The following SORCS2 variants were observed in gnomAD, a reference collection of about 807,000 sequenced individuals.
The protein encoded by SORCS2 is VPS10 domain-containing receptor SorCS2.
SORCS2 carries 100 observed loss-of-function variants against 141.6 expected under a neutral mutation model. The ratio of observed to expected loss-of-function variants is 0.71; its 90% confidence interval spans 0.60 to 0.83. SORCS2 has a LOEUF of 0.83. SORCS2 is among the 40% of genes least tolerant of loss of function. SORCS2 has a pLI of 0.00. For synonymous variants in SORCS2, 789 were observed against 676.9 expected, an observed-to-expected ratio of 1.17 and a Z score of -2.57; for missense variants, 1,646 against 1,560.2, an observed-to-expected ratio of 1.05 and a Z score of -0.93.
chr4:7,739,675 C>A (rs1215100998), intron 26 of SORCS2, among the ~76,000 whole-genome samples: 1 of 152,180 alleles, frequency 6.6e-6, no homozygotes, highest in Non-Finnish European at 1.5e-5. Context: ...CCAGCCGTGT[C>A]TCCCGGTGCC....
chr4:7,302,819 G>A (rs2108902669), intron 1 of SORCS2, among the ~76,000 whole-genome samples: 1 of 150,642 alleles, frequency 6.6e-6, no homozygotes, highest in Admixed American at 6.6e-5. Context: ...TTGTAGGAGT[G>A]TTCTCCTATA....
intron 16 of SORCS2, among the ~76,000 whole-genome samples, chr4:7,714,814 CT>C (rs1726081898): frequency 6.6e-6 from 1 of 152,196 alleles, no homozygotes; most frequent in East Asian, 1.9e-4. Flanking sequence ...CACCTCACCC[CT>C]CCTCATCATG....
At chr4:7,315,053 G>A (rs1173480693) in intron 1 of SORCS2, among the ~76,000 whole-genome samples, 2 of 151,786 alleles carry the variant, frequency 1.3e-5, no homozygotes, top group African/African-American at 4.8e-5. Flanking sequence ...GGCTGGTCTC[G>A]AACTCCTGAC....
intron 2 of SORCS2, among the ~76,000 whole-genome samples, chr4:7,442,642 C>T (rs1264854329): frequency 7.3e-6 from 1 of 137,892 alleles, no homozygotes; most frequent in Non-Finnish European, 1.6e-5. Flanking sequence ...ACCCCCTCCC[C>T]CAGCTCTGCC....
intron 2 of SORCS2, among the ~76,000 whole-genome samples, chr4:7,518,830 C>T (rs939952894): frequency 2.6e-5 from 4 of 152,130 alleles, no homozygotes; most frequent in African/African-American, 7.2e-5. Flanking sequence ...CCATCAAACG[C>T]AGCTTCCCCC....
intron 2 of SORCS2, among the ~76,000 whole-genome samples, chr4:7,443,427 G>A (rs763220319): frequency 3.9e-5 from 6 of 152,150 alleles, no homozygotes; most frequent in Non-Finnish European, 5.9e-5. Context: ...GCGCACAGCC[G>A]CGAATGGAGC....
At chr4:7,722,906 G>A in intron 18 of SORCS2, among the ~76,000 whole-genome samples, 1 of 152,152 alleles carries the variant, frequency 6.6e-6, no homozygotes, top group African/African-American at 2.4e-5. Context: ...TCATCACTAG[G>A]AAACGGTTTC....
At chr4:7,416,794 A>ACG (rs1053630990) in intron 2 of SORCS2, among the ~76,000 whole-genome samples, 1 of 151,502 alleles carries the variant, frequency 6.6e-6, no homozygotes, top group Non-Finnish European at 1.5e-5. Context: ...ACGCTTGTGC[A>ACG]CACACAAACA....
At chr4:7,507,822 G>A (rs553599260) in intron 2 of SORCS2, among the ~76,000 whole-genome samples, 123 of 152,218 alleles carry the variant, frequency 8.1e-4, no homozygotes, top group African/African-American at 2.7e-3. Flanking sequence ...CTCTGTGTTC[G>A]AGCCATGCGC....
At chr4:7,310,670 C>T (rs534125314) in intron 1 of SORCS2, 1 of 153,582 alleles carries the variant, frequency 6.5e-6, no homozygotes, top group South Asian at 2.1e-4. Flanking sequence ...GGCGGGGGCA[C>T]AAGGCAGACG....
intron 2 of SORCS2, among the ~76,000 whole-genome samples, chr4:7,406,589 T>G (rs1402028398): frequency 6.6e-6 from 1 of 151,942 alleles, no homozygotes; most frequent in Non-Finnish European, 1.5e-5. Flanking sequence ...ATGTCTCTTT[T>G]TCATTTCTGA....
intron 1 of SORCS2, among the ~76,000 whole-genome samples, chr4:7,208,724 G>A (rs2108878264): frequency 6.6e-6 from 1 of 152,318 alleles, no homozygotes; most frequent in Non-Finnish European, 1.5e-5. Flanking sequence ...GGGATGCACT[G>A]CCTTGTCTCC....
chr4:7,693,525 C>T (rs1000665029), intron 11 of SORCS2, among the ~76,000 whole-genome samples: 1 of 152,222 alleles, frequency 6.6e-6, no homozygotes, highest in Non-Finnish European at 1.5e-5. Context: ...GGAGCCTGCT[C>T]CCTGCACTGT....
At chr4:7,691,319 C>CA (rs779528284) in intron 11 of SORCS2, among the ~76,000 whole-genome samples, 2 of 152,180 alleles carry the variant, frequency 1.3e-5, no homozygotes, top group Non-Finnish European at 2.9e-5. Context: ...AGTGAAGGGA[C>CA]AAGTGAAAGA....
intron 11 of SORCS2, among the ~76,000 whole-genome samples, chr4:7,691,736 C>G (rs773864770): frequency 2.0e-5 from 3 of 152,098 alleles, no homozygotes; most frequent in Non-Finnish European, 2.9e-5. Context: ...CACTTGGTTT[C>G]CCGGGCTCCT....
intron 1 of SORCS2, among the ~76,000 whole-genome samples, chr4:7,216,159 G>T (rs548880767): frequency 6.6e-6 from 1 of 152,102 alleles, no homozygotes; most frequent in African/African-American, 2.4e-5. Flanking sequence ...CAGACGCGCC[G>T]CCTTAAGAAC....
intron 2 of SORCS2, among the ~76,000 whole-genome samples, chr4:7,523,945 C>T (rs887870145): frequency 2.0e-5 from 3 of 152,236 alleles, no homozygotes; most frequent in African/African-American, 7.2e-5. Flanking sequence ...CTGGGGATGA[C>T]GCACTGGAAG....
At chr4:7,670,646 A>G (rs774511692) in intron 8 of SORCS2, among the ~76,000 whole-genome samples, 6 of 152,158 alleles carry the variant, frequency 3.9e-5, no homozygotes, top group Non-Finnish European at 7.4e-5. Context: ...TCTCAAGTCT[A>G]TTTGAGAGCT....
chr4:7,696,710 C>T (rs1256486675), intron 11 of SORCS2, among the ~76,000 whole-genome samples: 2 of 152,210 alleles, frequency 1.3e-5, no homozygotes, highest in Admixed American at 1.3e-4. Flanking sequence ...GTCCACCCAG[C>T]AGATAGTGAG....
Sources: gnomAD v4.1 joint callset for allele counts (sites outside exome capture counted in the v4.1 genomes callset) on GRCh38, gnomAD v4.1.1 for gene constraint, MANE v1.5 for transcripts, NCBI Gene and HGNC (gene_info 2026-07-23, HGNC 2026-07-21) for gene names.